CHRNA7: variants seen among roughly 807,000 people sequenced by gnomAD.
CHRNA7 encodes neuronal acetylcholine receptor subunit alpha-7.
Under a neutral mutation model 48.0 loss-of-function variants are expected in CHRNA7, and 17 were observed. The ratio of observed to expected loss-of-function variants is 0.35; its 90% CI spans 0.24 to 0.53. The LOEUF is 0.53. Among genes scored for constraint, CHRNA7 ranks in the 20% least tolerant of loss-of-function variants. The pLI, the probability that CHRNA7 is intolerant of heterozygous loss-of-function variation, is 0.92. For synonymous variants in CHRNA7, 75 were observed against 242.3 expected (o/e 0.31, Z 6.41); for missense variants, 155 against 577.7 (o/e 0.27, Z 7.50).
At chr15:32,050,706 T>G (rs77084648) in intron 2 of CHRNA7, among the ~76,000 whole-genome samples, 3 of 152,200 alleles carry the variant, frequency 2.0e-5, no homozygotes, top group African/African-American at 7.2e-5. Flanking sequence ...CCTTCCTTTG[T>G]AGGAGGAGAG....
At chr15:32,136,795 G>T (rs891291467) in intron 4 of CHRNA7, among the ~76,000 whole-genome samples, 2 of 151,972 alleles carry the variant, frequency 1.3e-5, no homozygotes, top group Non-Finnish European at 2.9e-5. Context: ...ACTGTGGGAG[G>T]CCGGGGCGGG....
chr15:32,033,071 G>A (rs1901920239), intron 2 of CHRNA7, among the ~76,000 whole-genome samples: 1 of 152,130 alleles, frequency 6.6e-6, no homozygotes, highest in Non-Finnish European at 1.5e-5. Context: ...TGTGAAGAAG[G>A]CTGTCAGCAG....
At chr15:32,122,616 T>G (rs1363837850) in intron 4 of CHRNA7, among the ~76,000 whole-genome samples, 2 of 150,894 alleles carry the variant, frequency 1.3e-5, no homozygotes, top group Non-Finnish European at 2.9e-5. Flanking sequence ...TTGTGTATGG[T>G]TTTTTTTCCC....
rs553110993 is a variant in CHRNA7 at position 32,127,269 on chromosome 15, A to G, written c.350+15370A>G. Among the ~76,000 whole-genome samples, 15 of 152,282 alleles carry G rather than the reference A, an allele frequency of 9.9e-5. 2 individuals are homozygous for G. In the South Asian group the frequency reaches 2.7e-3, roughly 27 times the overall value. ...TTTCGCTATTGCAATCATAGCTTCTATAACATCCATGTCCATGTTTGTTTG... is the reference window on the plus strand; with the variant it reads ...TTTCGCTATTGCAATCATAGCTTCTGTAACATCCATGTCCATGTTTGTTTG... On this transcript the variant is annotated intron_variant, in intron 4 of 9. Transcript: ENST00000306901.
In CHRNA7 at chr15:32,142,516, T is replaced by C. The variant is rs564598373; in HGVS notation, c.351-11391T>C. ...AATGGTACCGGCTCCTCTGTACCTC[T>C]GGCAGAATTCGGCTGTGAATTTGTC... is the stretch of plus-strand genomic sequence containing the variant. On this transcript the variant is annotated intron_variant, in intron 4 of 9. Coordinates refer to ENST00000306901, the MANE Select transcript of CHRNA7 (RefSeq NM_000746.6). 4.6e-5 allele frequency among the ~76,000 whole-genome samples: 7 copies of C among 152,280 alleles called. No individual in the cohort carries two copies. The South Asian group carries it at 1.0e-3, about 23-fold the overall frequency.
intron 2 of CHRNA7, among the ~76,000 whole-genome samples, chr15:32,048,152 C>T (rs1047369173): frequency 1.3e-5 from 2 of 152,204 alleles, no homozygotes; most frequent in African/African-American, 2.4e-5. Flanking sequence ...TGTGTCTCTG[C>T]TCAGCTTTGG....
chr15:32,140,078 C>G (rs1220103460), intron 4 of CHRNA7, among the ~76,000 whole-genome samples: 1 of 151,422 alleles, frequency 6.6e-6, no homozygotes, highest in East Asian at 1.9e-4. Context: ...CCCCAGCCCC[C>G]CACCCCCCGA....
chr15:32,054,674 C>T lies in CHRNA7; in HGVS notation c.195+23637C>T, dbSNP rs961720419. Among the ~76,000 whole-genome samples, 7 of 152,208 alleles carry T rather than the reference C, an allele frequency of 4.6e-5. No homozygotes were observed. The South Asian group carries it at 1.0e-3, about 23-fold the overall frequency. ...AGGAATCACCCAAGCACACAGCATG[C>T]GTTCTTTGGGATCTGGCTTTTTTGG... On this transcript the variant is annotated intron_variant, in intron 2 of 9. Coordinates refer to ENST00000306901, the MANE Select transcript of CHRNA7 (RefSeq NM_000746.6).
At position 32,151,455 on chromosome 15, in the gene CHRNA7, CT is replaced by C. The variant is rs111318707; in HGVS notation, c.351-2443del. On this transcript the variant is annotated intron_variant, in intron 4 of 9. Coordinates refer to ENST00000306901, the MANE Select transcript of CHRNA7 (RefSeq NM_000746.6). ...AAGGCTTTAATGTTCTTGAAAACCC[CT>C]TTTTTTTTGCCTTCATGCTTGGGTG... 9.0e-3 allele frequency among the ~76,000 whole-genome samples: 1,355 copies of C among 150,908 alleles called. 22 individuals carry two copies. Among genetic ancestry groups the C allele is most frequent in the African/African-American group, 0.029 (1,208 of 41,146 alleles).
At chr15:32,113,446 A>T (rs1176360850) in intron 4 of CHRNA7, among the ~76,000 whole-genome samples, 2 of 152,248 alleles carry the variant, frequency 1.3e-5, no homozygotes, top group East Asian at 3.8e-4. Flanking sequence ...AACTCAGTCC[A>T]TAATGAGGGC....
At chr15:32,142,228 A>G (rs1167229896) in intron 4 of CHRNA7, among the ~76,000 whole-genome samples, 1 of 152,158 alleles carries the variant, frequency 6.6e-6, no homozygotes, top group African/African-American at 2.4e-5. Flanking sequence ...ACATGTATTG[A>G]TTTGCATATA....
chr15:32,064,698 G>C (rs1239636412), intron 2 of CHRNA7, among the ~76,000 whole-genome samples: 1 of 152,128 alleles, frequency 6.6e-6, no homozygotes, highest in East Asian at 1.9e-4. Flanking sequence ...TACCTGGGCA[G>C]TATGTGCCTG....
At chr15:32,049,429 T>C (rs940855243) in intron 2 of CHRNA7, among the ~76,000 whole-genome samples, 2 of 152,156 alleles carry the variant, frequency 1.3e-5, no homozygotes, top group Admixed American at 6.5e-5. Context: ...TTGATCTTTG[T>C]TGGTTTAAAG....
At chr15:32,109,669 C>T (rs1443799864) in intron 3 of CHRNA7, among the ~76,000 whole-genome samples, 2 of 152,318 alleles carry the variant, frequency 1.3e-5, no homozygotes, top group Non-Finnish European at 2.9e-5. Context: ...TAAGCCCTGA[C>T]CCAGTGACTG....
At chr15:32,105,019 G>A (rs1366255314) in intron 3 of CHRNA7, among the ~76,000 whole-genome samples, 1 of 152,180 alleles carries the variant, frequency 6.6e-6, no homozygotes, top group African/African-American at 2.4e-5. Flanking sequence ...CAAGAAAAAT[G>A]TAACTGGATT....
chr15:32,145,396 G>A (rs533247568), intron 4 of CHRNA7, among the ~76,000 whole-genome samples: 8 of 152,204 alleles, frequency 5.3e-5, no homozygotes, highest in Non-Finnish European at 7.3e-5. Flanking sequence ...TGAGGAGGCA[G>A]TCTATCCATT....
chr15:32,055,505 A>G (rs1566807856), intron 2 of CHRNA7, among the ~76,000 whole-genome samples: 1 of 152,172 alleles, frequency 6.6e-6, no homozygotes, highest in African/African-American at 2.4e-5. Context: ...TGTGAGAGAG[A>G]GAGAGCAAGA....
At position 32,132,839 on chromosome 15, in the gene CHRNA7, C is replaced by T. The variant is rs1292595188; in HGVS notation, c.350+20940C>T. 1.3e-5 allele frequency among the ~76,000 whole-genome samples: 2 copies of T among 152,194 alleles called. 1 individual carries two copies. Among genetic ancestry groups the T allele is most frequent in the East Asian group, 3.8e-4 (2 of 5,204 alleles). Reference sequence around the variant, plus strand: ...ATCGTTTTTCTTGTATTTATGCTGTCATAGCAAGTGGCATTTTTCTGAAAG... The same window carrying T: ...ATCGTTTTTCTTGTATTTATGCTGTTATAGCAAGTGGCATTTTTCTGAAAG... On this transcript the variant is annotated intron_variant, in intron 4 of 9. Coordinates refer to ENST00000306901, the MANE Select transcript of CHRNA7 (RefSeq NM_000746.6).
intron 2 of CHRNA7, among the ~76,000 whole-genome samples, chr15:32,036,087 A>G (rs965112803): frequency 6.6e-6 from 1 of 152,228 alleles, no homozygotes; most frequent in African/African-American, 2.4e-5. Flanking sequence ...CTCCCTGCTT[A>G]TCACTACCTT....
Sources: gnomAD v4.1 joint callset for allele counts (sites outside exome capture counted in the v4.1 genomes callset) on GRCh38, gnomAD v4.1.1 for gene constraint, MANE v1.5 for transcripts, NCBI Gene and HGNC (gene_info 2026-07-23, HGNC 2026-07-21) for gene names.